GABRB3: variants seen among roughly 807,000 people sequenced by gnomAD.
The protein encoded by GABRB3 is gamma-aminobutyric acid receptor subunit beta-3.
Under a neutral mutation model 52.1 loss-of-function variants are expected in GABRB3, and 14 were observed. That is an observed-to-expected ratio of 0.27 (90% CI 0.18 to 0.42). GABRB3 has a LOEUF of 0.42. Ranked by LOEUF, GABRB3 falls within the 10% of genes least tolerant of loss-of-function variation. GABRB3 has a pLI of 1.00. For synonymous variants in GABRB3, 260 were observed against 232.3 expected, an observed-to-expected ratio of 1.12 and a Z score of -1.08; for missense variants, 307 against 609.1, an observed-to-expected ratio of 0.50 and a Z score of 5.22.
At chr15:26,729,053 G>A (rs1889841901) in intron 3 of GABRB3, among the ~76,000 whole-genome samples, 1 of 152,156 alleles carries the variant, frequency 6.6e-6, no homozygotes, top group South Asian at 2.1e-4. Context: ...TTATAAGAAA[G>A]ATACTTCACC....
At chr15:26,716,127 G>T (rs550282092) in intron 3 of GABRB3, among the ~76,000 whole-genome samples, 1 of 152,280 alleles carries the variant, frequency 6.6e-6, no homozygotes, top group East Asian at 1.9e-4. Flanking sequence ...AAACAGAAAA[G>T]TCTCATCTTC....
At chr15:26,648,411 G>A (rs1295547885) in intron 3 of GABRB3, among the ~76,000 whole-genome samples, 1 of 152,222 alleles carries the variant, frequency 6.6e-6, no homozygotes, top group African/African-American at 2.4e-5. Flanking sequence ...CTAGGGAGAA[G>A]CAATCACTGT....
chr15:26,764,166 A>T (rs1890907447), intron 3 of GABRB3, among the ~76,000 whole-genome samples: 4 of 33,734 alleles, frequency 1.2e-4, no homozygotes, highest in Non-Finnish European at 1.6e-4. Flanking sequence ...AAAAAAAAAA[A>T]AAAAAAAAAA....
chr15:26,554,151 TATATATAAA>T (rs1889629124), intron 8 of GABRB3, among the ~76,000 whole-genome samples: 5 of 69,078 alleles, frequency 7.2e-5, no homozygotes, highest in African/African-American at 3.4e-4. Flanking sequence ...AAAGTATATA[TATATATAAA>T]GTATATATAT....
chr15:26,603,787 A>C (rs1891671678), intron 4 of GABRB3, among the ~76,000 whole-genome samples: 1 of 152,076 alleles, frequency 6.6e-6, no homozygotes, highest in Non-Finnish European at 1.5e-5. Flanking sequence ...ACATAAGAAA[A>C]GCCTGATATA....
chr15:26,651,231 C>T (rs1383616742), intron 3 of GABRB3, among the ~76,000 whole-genome samples: 2 of 152,244 alleles, frequency 1.3e-5, no homozygotes, highest in Non-Finnish European at 2.9e-5. Flanking sequence ...CAGAGCTTGC[C>T]CCTGCTGGCG....
chr15:26,627,942 T>A (rs1892769225), intron 3 of GABRB3, among the ~76,000 whole-genome samples: 1 of 152,178 alleles, frequency 6.6e-6, no homozygotes, highest in Non-Finnish European at 1.5e-5. Flanking sequence ...ATAGCCAAAG[T>A]AATAAATTTC....
Position 26,672,835 on chromosome 15 carries a change from T to C in GABRB3, c.241-51301A>G, listed in dbSNP as rs1359270075. Among the ~76,000 whole-genome samples the C allele has an allele frequency of 2.0e-5, 3 of 152,092 alleles. No individual in the cohort carries two copies. The East Asian group carries it at 5.8e-4, about 29-fold the overall frequency. On this transcript the variant is annotated intron_variant, in intron 3 of 8. Coordinates refer to ENST00000311550, the MANE Select transcript of GABRB3 (RefSeq NM_000814.6). Reference sequence around the variant, plus strand: ...AAAATATGTGATGGAGGAAGAATGATAAAATGCCATTAAAGAGAGAAAAAC... The same window carrying C: ...AAAATATGTGATGGAGGAAGAATGACAAAATGCCATTAAAGAGAGAAAAAC...
At chr15:26,660,978 G>A (rs1566794846) in intron 3 of GABRB3, among the ~76,000 whole-genome samples, 3 of 152,062 alleles carry the variant, frequency 2.0e-5, no homozygotes. Flanking sequence ...AGGTGTGGGG[G>A]TCTCCTTATG....
chr15:26,567,498 T>C lies in GABRB3; in HGVS notation c.835+83A>G, dbSNP rs1567112968. 15 of 1,400,482 alleles carry C rather than the reference T, an allele frequency of 1.1e-5. No individual in the cohort carries two copies. In the South Asian group the frequency reaches 1.7e-4, roughly 15 times the overall value. 86.8% of individuals were successfully genotyped at this position (1,400,482 alleles called of 1,614,324 possible). A position where few individuals can be genotyped will look rare whatever the true frequency, so the allele number is the denominator to read the frequency against. On this transcript the variant is annotated intron_variant, in intron 7 of 8. Coordinates refer to ENST00000311550, the MANE Select transcript of GABRB3 (RefSeq NM_000814.6). The stretch of plus-strand genomic sequence containing the variant: ...GTGTCACGCTGTCAAAAAATGGTAG[T>C]TGAACTACAGCCTTTGAACTCTCTT...
chr15:26,596,056 G>A (rs374670591), intron 4 of GABRB3, among the ~76,000 whole-genome samples: 55 of 152,226 alleles, frequency 3.6e-4, no homozygotes, highest in African/African-American at 1.2e-3. Flanking sequence ...TTTGGGGGTA[G>A]GCATGTACAG....
intron 7 of GABRB3, among the ~76,000 whole-genome samples, chr15:26,561,734 T>C (rs932415585): frequency 4.6e-5 from 7 of 152,148 alleles, no homozygotes; most frequent in African/African-American, 1.7e-4. Flanking sequence ...ATTTTTAAAA[T>C]TATTAGCCAT....
At chr15:26,754,925 G>T (rs1490423235) in intron 3 of GABRB3, among the ~76,000 whole-genome samples, 1 of 151,948 alleles carries the variant, frequency 6.6e-6, no homozygotes, top group Non-Finnish European at 1.5e-5. Flanking sequence ...ATAAAACACA[G>T]GATTAAACGG....
chr15:26,617,144 C>A (rs959724196), intron 4 of GABRB3, among the ~76,000 whole-genome samples: 10 of 152,078 alleles, frequency 6.6e-5, no homozygotes. Flanking sequence ...CCGAATTCTA[C>A]CAGAGGTACA....
chr15:26,670,167 C>T (rs977583000), intron 3 of GABRB3, among the ~76,000 whole-genome samples: 1 of 152,216 alleles, frequency 6.6e-6, no homozygotes. Context: ...CCGCTACGCC[C>T]CAACGCGGGC....
chr15:26,646,048 C>A (rs1394868165), intron 3 of GABRB3, among the ~76,000 whole-genome samples: 1 of 151,738 alleles, frequency 6.6e-6, no homozygotes, highest in Non-Finnish European at 1.5e-5. Context: ...TATTTTTTAA[C>A]AACTTTAATG....
chr15:26,621,615 T>C lies in GABRB3; in HGVS notation c.241-81A>G. ...CCTCCACGACCAGCCAAATTCAGGT[T>C]GCAATCTAGGCTCTACAGTGAATAA... is the stretch of plus-strand genomic sequence containing the variant. On this transcript the variant is annotated intron_variant, in intron 3 of 8. Coordinates refer to ENST00000311550, the MANE Select transcript of GABRB3 (RefSeq NM_000814.6). The surrounding 1 kb of genome is among the most constrained non-coding windows in gnomAD (Gnocchi z 4.1). 1 of 1,116,576 alleles carries C rather than the reference T, an allele frequency of 9.0e-7. No individual in the cohort carries two copies. The highest frequency in any genetic ancestry group is 1.3e-6 in the Non-Finnish European group (1 of 749,034). 69.2% of individuals were successfully genotyped at this position (1,116,576 alleles called of 1,614,324 possible).
In GABRB3 at chr15:26,611,262, T is replaced by C. The variant is rs190212235; in HGVS notation, c.461+10052A>G. On this transcript the variant is annotated intron_variant, in intron 4 of 8. Coordinates refer to ENST00000311550, the MANE Select transcript of GABRB3 (RefSeq NM_000814.6). ...TTGTAGGTGAACTTTTTGTGTAATT[T>C]AAAACCTTAAAATTCTTTTCATGTT... Among the ~76,000 whole-genome samples, 1,273 of 152,330 alleles carry C rather than the reference T, an allele frequency of 8.4e-3. 18 individuals are homozygous for C. The highest frequency in any genetic ancestry group is 0.029 in the African/African-American group (1,210 of 41,576).
chr15:26,670,159 G>A (rs1887844878), intron 3 of GABRB3, among the ~76,000 whole-genome samples: 1 of 152,230 alleles, frequency 6.6e-6, no homozygotes, highest in Admixed American at 6.5e-5. Context: ...CGCGGAGACC[G>A]CTACGCCCCA....
Sources: gnomAD v4.1 joint callset for allele counts (sites outside exome capture counted in the v4.1 genomes callset) on GRCh38, gnomAD v4.1.1 for gene constraint, Gnocchi (gnomAD v3.1) non-coding constraint, MANE v1.5 for transcripts, NCBI Gene and HGNC (gene_info 2026-07-23, HGNC 2026-07-21) for gene names.